BARX2: variants seen among roughly 807,000 people sequenced by gnomAD.
BARX2 encodes the protein homeobox protein BarH-like 2.
Under a neutral mutation model 25.5 loss-of-function variants are expected in BARX2, and 11 were observed. The ratio of observed to expected loss-of-function variants is 0.43; its 90% CI spans 0.27 to 0.71. BARX2 has a LOEUF of 0.71. Ranked by LOEUF, BARX2 falls within the 30% of genes least tolerant of loss-of-function variation. BARX2 has a pLI of 0.19. For missense variants in BARX2, 360 were observed against 359.9 expected (o/e 1.00, Z 0.00); for synonymous variants, 137 against 149.5 (o/e 0.92, Z 0.61).
chr11:129,388,095 G>C (rs11221700), intron 1 of BARX2, among the ~76,000 whole-genome samples: 3 of 144,764 alleles, frequency 2.1e-5, no homozygotes, highest in East Asian at 2.4e-4. Context: ...GCAACATACT[G>C]TGTGTGTGTG....
At chr11:129,405,835 C>T (rs1299586823) in intron 1 of BARX2, among the ~76,000 whole-genome samples, 3 of 152,186 alleles carry the variant, frequency 2.0e-5, no homozygotes, top group Non-Finnish European at 2.9e-5. Context: ...CTTTCTTCTA[C>T]CAATCAGAGT....
At chr11:129,430,775 A>G (rs1002574086) in intron 1 of BARX2, among the ~76,000 whole-genome samples, 5 of 152,228 alleles carry the variant, frequency 3.3e-5, no homozygotes, top group East Asian at 1.9e-4. Context: ...GTAATGTCCT[A>G]TAATAGAATC....
chr11:129,439,179 G>A (rs1161272544), intron 2 of BARX2, among the ~76,000 whole-genome samples: 1 of 152,132 alleles, frequency 6.6e-6, no homozygotes, highest in African/African-American at 2.4e-5. Flanking sequence ...GGCCAGAGAC[G>A]GAGCAGGGAC....
intron 1 of BARX2, among the ~76,000 whole-genome samples, chr11:129,418,045 C>T (rs567106794): frequency 1.4e-4 from 22 of 152,184 alleles, no homozygotes; most frequent in Middle Eastern, 6.8e-3. Flanking sequence ...ATTTTTGACC[C>T]TGTAATCCTG....
In BARX2 at chr11:129,436,380, C is replaced by T. The variant is rs576410133; in HGVS notation, c.188-371C>T. On this transcript the variant is annotated intron_variant, in intron 1 of 3. Coordinates refer to ENST00000281437, the MANE Select transcript of BARX2 (RefSeq NM_003658.5). The surrounding 1 kb of genome is among the most constrained non-coding windows in gnomAD (Gnocchi z 4.5). ...CTCAGGAAGTTTGCATATTACAAAT[C>T]TATTTCGGGTTTCTGAAATATGTGT... The T allele has an allele frequency of 4.3e-6, 1 of 230,568 alleles. No individual in the cohort carries two copies. The highest frequency in any genetic ancestry group is 2.2e-5 in the African/African-American group (1 of 44,494). The allele number at this position is 230,568 out of a possible 1,614,324, so 14.3% of individuals were successfully genotyped here.
chr11:129,382,235 G>C (rs1473481840), intron 1 of BARX2, among the ~76,000 whole-genome samples: 1 of 152,152 alleles, frequency 6.6e-6, no homozygotes, highest in Non-Finnish European at 1.5e-5. Context: ...CTGGAGTGCA[G>C]TGGGGCGATC....
intron 1 of BARX2, among the ~76,000 whole-genome samples, chr11:129,426,251 G>A (rs1042473428): frequency 2.0e-5 from 3 of 151,924 alleles, no homozygotes; most frequent in African/African-American, 7.3e-5. Context: ...CAGATTATGC[G>A]TATGGGGACA....
At chr11:129,386,344 C>G (rs1861616237) in intron 1 of BARX2, among the ~76,000 whole-genome samples, 1 of 152,164 alleles carries the variant, frequency 6.6e-6, no homozygotes. Flanking sequence ...TTGCTATTGA[C>G]AGTTTCATTT....
chr11:129,431,375 C>G (rs1167028184), intron 1 of BARX2, among the ~76,000 whole-genome samples: 1 of 152,196 alleles, frequency 6.6e-6, no homozygotes, highest in Non-Finnish European at 1.5e-5. Context: ...TACTAATTCT[C>G]TTTCCAAAGA....
At chr11:129,381,816 A>T (rs1447155058) in intron 1 of BARX2, among the ~76,000 whole-genome samples, 4 of 152,254 alleles carry the variant, frequency 2.6e-5, no homozygotes, top group African/African-American at 9.6e-5. Context: ...GAAGGGAAGA[A>T]GGAAAGTAAG....
intron 1 of BARX2, among the ~76,000 whole-genome samples, chr11:129,378,292 A>G (rs907992924): frequency 2.0e-5 from 3 of 152,258 alleles, no homozygotes; most frequent in Admixed American, 1.3e-4. Flanking sequence ...ACTGGCTACA[A>G]TAGTTCATAC....
chr11:129,385,298 A>G (rs1278817756), intron 1 of BARX2, among the ~76,000 whole-genome samples: 1 of 152,212 alleles, frequency 6.6e-6, no homozygotes, highest in Non-Finnish European at 1.5e-5. Context: ...ACTCCTGGGT[A>G]TGTGCCTGGA....
At position 129,417,383 on chromosome 11, in the gene BARX2, C is replaced by T. The variant is rs541175755; in HGVS notation, c.188-19368C>T. ...CCAGGAATATTTCTTATCTCCTGCT[C>T]TCAGCTGTGCGGTGAAGAGGGAAGG... On this transcript the variant is annotated intron_variant, in intron 1 of 3. Coordinates refer to ENST00000281437, the MANE Select transcript of BARX2 (RefSeq NM_003658.5). Among the ~76,000 whole-genome samples, 11 of 152,296 alleles carry T rather than the reference C, an allele frequency of 7.2e-5. No individual in the cohort carries two copies. In the South Asian group the frequency reaches 2.3e-3, roughly 32 times the overall value.
chr11:129,394,632 A>G (rs1161295975), intron 1 of BARX2, among the ~76,000 whole-genome samples: 1 of 152,092 alleles, frequency 6.6e-6, no homozygotes, highest in African/African-American at 2.4e-5. Flanking sequence ...ATTTAACAGC[A>G]TATGTTTTAT....
intron 2 of BARX2, chr11:129,437,368 C>A: frequency 1.1e-6 from 1 of 870,708 alleles, no homozygotes; most frequent in Non-Finnish European, 1.4e-6. Context: ...GGGAAACAGG[C>A]TTGGTTTTTA....
chr11:129,387,565 T>C (rs549725913), intron 1 of BARX2, among the ~76,000 whole-genome samples: 29 of 152,296 alleles, frequency 1.9e-4, no homozygotes, highest in African/African-American at 6.7e-4. Flanking sequence ...CCAGAGGAGA[T>C]ATTTCGGAAA....
At chr11:129,442,301 G>A (rs1862270255) in intron 2 of BARX2, among the ~76,000 whole-genome samples, 1 of 152,120 alleles carries the variant, frequency 6.6e-6, no homozygotes, top group Non-Finnish European at 1.5e-5. Context: ...CACAGTTGGA[G>A]TGATCAGAGA....
chr11:129,437,546 G>C, intron 2 of BARX2: 2 of 980,958 alleles, frequency 2.0e-6, no homozygotes, highest in Non-Finnish European at 2.4e-6. Context: ...GGTCAGACAT[G>C]TTAGTGAATT....
intron 1 of BARX2, among the ~76,000 whole-genome samples, chr11:129,386,005 AAAC>A (rs1450088848): frequency 2.0e-5 from 3 of 152,252 alleles, no homozygotes; most frequent in Non-Finnish European, 2.9e-5. Context: ...ACTCACACTG[AAAC>A]AACCACTGTG....
Sources: allele counts gnomAD v4.1 joint callset (sites outside exome capture counted in the v4.1 genomes callset), GRCh38; gene constraint gnomAD v4.1.1; non-coding constraint Gnocchi (gnomAD v3.1); transcripts MANE v1.5; gene names NCBI Gene and HGNC (gene_info 2026-07-23, HGNC 2026-07-21).